TNRC6B: variants seen among roughly 807,000 people sequenced by gnomAD.
The protein encoded by TNRC6B is trinucleotide repeat-containing gene 6B protein.
In TNRC6B, 52 loss-of-function variants were observed where a neutral mutation model predicts 203.6. The ratio of observed to expected loss-of-function variants is 0.26; its 90% CI spans 0.20 to 0.32. The LOEUF is 0.32. TNRC6B is among the 10% of genes least tolerant of loss of function. The probability of loss-of-function intolerance (pLI) is 1.00; values close to 1 mark genes in which losing one functional copy is unlikely to be tolerated. For missense variants in TNRC6B, 1,923 were observed against 2,286.2 expected (o/e 0.84, Z 3.24); for synonymous variants, 838 against 845.7 (o/e 0.99, Z 0.16).
Position 40,178,039 on chromosome 22 carries a change from AC to A in TNRC6B, c.-96del, listed in dbSNP as rs2069084427. ...TTCTGAATATTTAAAATACAAAAAA[AC>A]AGATAGACAAAAAGAATTCATTTTT... On this transcript the variant is annotated 5_prime_UTR_variant, in exon 1 of 23. Transcript: ENST00000454349. 4 of 1,579,656 alleles carry A rather than the reference AC, an allele frequency of 2.5e-6. No homozygotes were observed. Among genetic ancestry groups the A allele is most frequent in the Non-Finnish European group, 3.4e-6 (4 of 1,168,972 alleles).
At chr22:40,158,161 A>G (rs1049688376) in intron 4 of TNRC6B, among the ~76,000 whole-genome samples, 3 of 152,016 alleles carry the variant, frequency 2.0e-5, no homozygotes, top group African/African-American at 7.2e-5. Context: ...AACGTGGTGA[A>G]ACCCTGTCTC....
At chr22:40,313,081 A>T in intron 19 of TNRC6B, 84 bp downstream of exon 19, 2 of 1,058,118 alleles carry the variant, frequency 1.9e-6, no homozygotes, top group Non-Finnish European at 1.4e-6. Flanking sequence ...CATGTATTTC[A>T]TAAGATATAC....
At position 40,316,365 on chromosome 22, in the gene TNRC6B, CA is replaced by C. The variant is rs555465673; in HGVS notation, c.4974+363del. Reference sequence around the variant, plus strand: ...TGAGACTCCATCTCAAAAAAAAAAACAAAAAAAAAAGAGGTAAAGATGGGGG... The same window carrying C: ...TGAGACTCCATCTCAAAAAAAAAAACAAAAAAAAAGAGGTAAAGATGGGGG... On this transcript the variant is annotated intron_variant, in intron 21 of 22. Transcript: ENST00000454349. 1.1e-4 allele frequency among the ~76,000 whole-genome samples: 15 copies of C among 137,654 alleles called. No homozygotes were observed. The South Asian group carries it at 1.4e-3, about 13-fold the overall frequency. 90.3% of individuals were successfully genotyped at this position (137,654 alleles called of 152,430 possible). A position where few individuals can be genotyped will look rare whatever the true frequency, so the allele number is the denominator to read the frequency against.
intron 19 of TNRC6B, among the ~76,000 whole-genome samples, chr22:40,314,079 C>T (rs1360105272): frequency 6.6e-6 from 1 of 152,074 alleles, no homozygotes; most frequent in East Asian, 1.9e-4. Context: ...CTATAAATGC[C>T]CATATCTCAG....
intron 3 of TNRC6B, among the ~76,000 whole-genome samples, chr22:40,141,970 C>T (rs1190282206): frequency 6.6e-6 from 1 of 151,658 alleles, no homozygotes; most frequent in African/African-American, 2.4e-5. Context: ...CCGTGTTAGC[C>T]AGGATGGTCT....
chr22:40,179,162 A>T (rs564313435), intron 1 of TNRC6B, among the ~76,000 whole-genome samples: 15 of 152,294 alleles, frequency 9.8e-5, no homozygotes, highest in Admixed American at 8.5e-4. Context: ...GCCTGAAGTT[A>T]AATTCCATTA....
intron 1 of TNRC6B, among the ~76,000 whole-genome samples, chr22:40,227,108 TATTA>T (rs1231206099): frequency 1.4e-5 from 2 of 147,626 alleles, no homozygotes; most frequent in Non-Finnish European, 3.0e-5. Context: ...TTATTATTAT[TATTA>T]TTATTTGTAT....
chr22:40,193,568 C>T (rs1749742438), intron 1 of TNRC6B, among the ~76,000 whole-genome samples: 2 of 152,080 alleles, frequency 1.3e-5, no homozygotes, highest in South Asian at 2.1e-4. Flanking sequence ...CCTGGCACTC[C>T]GTAGGCACTT....
At chr22:40,296,681 G>A (rs1380409642) in intron 12 of TNRC6B, among the ~76,000 whole-genome samples, 1 of 151,092 alleles carries the variant, frequency 6.6e-6, no homozygotes, top group Non-Finnish European at 1.5e-5. Flanking sequence ...AGGCTGGAGT[G>A]CAGTGGCACG....
chr22:40,315,160 A>G (rs2071240537), intron 19 of TNRC6B, 123 bp from the exon 20 acceptor site: 2 of 763,302 alleles, frequency 2.6e-6, no homozygotes, highest in East Asian at 2.7e-5. Context: ...TAAAATGTGT[A>G]CTATTACTTT....
intron 1 of TNRC6B, among the ~76,000 whole-genome samples, chr22:40,057,698 G>A (rs1248535704): frequency 6.6e-6 from 1 of 152,158 alleles, no homozygotes; most frequent in Non-Finnish European, 1.5e-5. Flanking sequence ...AGACCCCCTG[G>A]TCAGCATATC....
At chr22:40,150,064 C>G (rs891721533) in intron 3 of TNRC6B, among the ~76,000 whole-genome samples, 8 of 152,054 alleles carry the variant, frequency 5.3e-5, no homozygotes, top group Non-Finnish European at 1.2e-4. Context: ...TAAGTCTTGA[C>G]ATGGTAAACT....
At chr22:40,208,816 G>A (rs1436824372) in intron 1 of TNRC6B, among the ~76,000 whole-genome samples, 2 of 152,236 alleles carry the variant, frequency 1.3e-5, no homozygotes, top group South Asian at 4.1e-4. Flanking sequence ...AGTAATTCAG[G>A]CACTGAGTAC....
chr22:40,281,657 T>C (rs1322686130), intron 11 of TNRC6B, among the ~76,000 whole-genome samples: 1 of 152,248 alleles, frequency 6.6e-6, no homozygotes, highest in Non-Finnish European at 1.5e-5. Flanking sequence ...TTTGGAGATC[T>C]TTTCAATTTA....
chr22:40,242,179 AGTGTGTGTGTGTGT>A (rs58498001), intron 1 of TNRC6B, among the ~76,000 whole-genome samples: 2 of 149,552 alleles, frequency 1.3e-5, no homozygotes, highest in East Asian at 2.0e-4. Context: ...AGGGAATAAG[AGTGTGTGTGTGTGT>A]GTGTGTGTGT....
At chr22:40,289,023 A>G (rs1286065665) in intron 12 of TNRC6B, among the ~76,000 whole-genome samples, 1 of 150,462 alleles carries the variant, frequency 6.6e-6, no homozygotes, top group Non-Finnish European at 1.5e-5. Context: ...CATGTTGGCC[A>G]AGCTGGTCTG....
intron 3 of TNRC6B, among the ~76,000 whole-genome samples, chr22:40,147,745 C>G (rs1207034934): frequency 6.6e-6 from 1 of 152,196 alleles, no homozygotes; most frequent in Admixed American, 6.5e-5. Context: ...GGGACACATT[C>G]AGACCATAGC....
chr22:40,130,302 G>A (rs1486026469), intron 3 of TNRC6B, among the ~76,000 whole-genome samples: 1 of 152,154 alleles, frequency 6.6e-6, no homozygotes, highest in African/African-American at 2.4e-5. Flanking sequence ...GGCGGAGGGA[G>A]TTTTGGAGGA....
At chr22:40,050,893 C>T (rs1006091252) in intron 1 of TNRC6B, among the ~76,000 whole-genome samples, 3 of 150,888 alleles carry the variant, frequency 2.0e-5, no homozygotes, top group Non-Finnish European at 4.4e-5. Flanking sequence ...GGCGTGATCT[C>T]GGCTCACTGC....
Sources: gnomAD v4.1 joint callset for allele counts (sites outside exome capture counted in the v4.1 genomes callset) on GRCh38, gnomAD v4.1.1 for gene constraint, MANE v1.5 for transcripts, NCBI Gene and HGNC (gene_info 2026-07-23, HGNC 2026-07-21) for gene names.